Variants in PTPRM observed in about 807,000 individuals in gnomAD.
PTPRM encodes the protein receptor-type tyrosine-protein phosphatase mu.
Under a neutral mutation model 186.7 loss-of-function variants are expected in PTPRM, and 47 were observed. The observed-to-expected ratio is 0.25, with a 90% CI of 0.20 to 0.32. The LOEUF (loss-of-function observed/expected upper bound fraction) is 0.32, where lower values mean the gene tolerates loss of function less well. Ranked by LOEUF, PTPRM falls within the 10% of genes least tolerant of loss-of-function variation. PTPRM has a pLI of 1.00. For missense variants in PTPRM, 1,494 were observed against 1,865.0 expected, an observed-to-expected ratio of 0.80 and a Z score of 3.66; for synonymous variants, 668 against 674.9, an observed-to-expected ratio of 0.99 and a Z score of 0.16.
At chr18:8,257,152 A>G (rs1363883058) in intron 19 of PTPRM, among the ~76,000 whole-genome samples, 1 of 152,226 alleles carries the variant, frequency 6.6e-6, no homozygotes, top group Non-Finnish European at 1.5e-5. Context: ...GCCAGCCAAG[A>G]GCAAGGATGA....
At chr18:8,306,235 C>G (rs1328309788) in intron 20 of PTPRM, among the ~76,000 whole-genome samples, 1 of 152,092 alleles carries the variant, frequency 6.6e-6, no homozygotes, top group Non-Finnish European at 1.5e-5. Context: ...GTACTGTGTT[C>G]CAGGCACCTG....
At position 8,302,665 on chromosome 18, in the gene PTPRM, G is replaced by A. The variant is rs555440378; in HGVS notation, c.2842+6210G>A. Among the ~76,000 whole-genome samples, 27 of 152,190 alleles carry A rather than the reference G, an allele frequency of 1.8e-4. 1 individual carries two copies. The highest frequency in any genetic ancestry group is 1.6e-3 in the Admixed American group (24 of 15,284). On this transcript the variant is annotated intron_variant, in intron 20 of 32. Coordinates refer to ENST00000580170, the MANE Select transcript of PTPRM (RefSeq NM_001105244.2). The stretch of plus-strand genomic sequence containing the variant: ...TTCAGAAGAAGTAATGGACCCAACC[G>A]AAAGATGGATGGGAGACAGGGTGAG...
intron 2 of PTPRM, among the ~76,000 whole-genome samples, chr18:7,805,104 C>G (rs998981752): frequency 1.3e-5 from 2 of 152,216 alleles, no homozygotes; most frequent in African/African-American, 4.8e-5. Context: ...TCTTTATCCT[C>G]TTCTTCTCAG....
intron 1 of PTPRM, among the ~76,000 whole-genome samples, chr18:7,667,170 C>T (rs1470476777): frequency 6.6e-6 from 1 of 152,170 alleles, no homozygotes; most frequent in African/African-American, 2.4e-5. Flanking sequence ...TCAAATTAAT[C>T]ATGAGCATAA....
At chr18:7,983,251 A>G (rs1396230883) in intron 7 of PTPRM, among the ~76,000 whole-genome samples, 1 of 151,982 alleles carries the variant, frequency 6.6e-6, no homozygotes, top group Non-Finnish European at 1.5e-5. Flanking sequence ...TGCAAACCCT[A>G]TTATGAACTG....
intron 15 of PTPRM, among the ~76,000 whole-genome samples, chr18:8,247,390 T>C (rs939946716): frequency 6.6e-6 from 1 of 152,210 alleles, no homozygotes; most frequent in Non-Finnish European, 1.5e-5. Context: ...TTGTGGAGTA[T>C]TCTCTGCATA....
At chr18:7,957,173 CT>C (rs79379767) in intron 7 of PTPRM, among the ~76,000 whole-genome samples, 3,830 of 136,404 alleles carry the variant, frequency 0.028, 56 homozygotes, top group African/African-American at 0.057. Flanking sequence ...CAGTCCTGTT[CT>C]TTTTTTTTTT....
chr18:7,684,776 T>C (rs898410115), intron 1 of PTPRM, among the ~76,000 whole-genome samples: 1 of 152,218 alleles, frequency 6.6e-6, no homozygotes, highest in Non-Finnish European at 1.5e-5. Context: ...TTCTACATCC[T>C]GGTTGTTGTT....
chr18:8,314,410 T>C (rs2095292941), intron 20 of PTPRM, among the ~76,000 whole-genome samples: 1 of 152,190 alleles, frequency 6.6e-6, no homozygotes, highest in African/African-American at 2.4e-5. Context: ...TCAAGGTGGG[T>C]GTCACAGCCT....
chr18:7,657,542 G>A (rs1250306413), intron 1 of PTPRM, among the ~76,000 whole-genome samples: 2 of 152,094 alleles, frequency 1.3e-5, no homozygotes, highest in African/African-American at 2.4e-5. Flanking sequence ...ATACACAGCC[G>A]TAATGCAGAA....
intron 20 of PTPRM, among the ~76,000 whole-genome samples, chr18:8,307,802 CT>C (rs1441195230): frequency 1.4e-5 from 2 of 141,660 alleles, no homozygotes; most frequent in Non-Finnish European, 3.0e-5. Flanking sequence ...GAAACTCTGT[CT>C]CAAAAAAAAA....
chr18:8,106,801 G>A (rs565471756), intron 11 of PTPRM, among the ~76,000 whole-genome samples: 100 of 152,346 alleles, frequency 6.6e-4, no homozygotes, highest in African/African-American at 2.3e-3. Flanking sequence ...TTAGTGGTCA[G>A]TTGGTGATTC....
At chr18:8,015,024 C>T (rs1488564536) in intron 7 of PTPRM, among the ~76,000 whole-genome samples, 1 of 152,106 alleles carries the variant, frequency 6.6e-6, no homozygotes, top group Non-Finnish European at 1.5e-5. Flanking sequence ...CTGATAAGCT[C>T]ACCAAATTTC....
intron 14 of PTPRM, among the ~76,000 whole-genome samples, chr18:8,175,869 A>T (rs1354903175): frequency 6.6e-6 from 1 of 152,196 alleles, no homozygotes; most frequent in African/African-American, 2.4e-5. Context: ...TTCTTGCTGA[A>T]AATGTAAAGC....
intron 14 of PTPRM, among the ~76,000 whole-genome samples, chr18:8,189,355 G>T (rs976485562): frequency 6.6e-6 from 1 of 151,536 alleles, no homozygotes; most frequent in Non-Finnish European, 1.5e-5. Flanking sequence ...TTTTTGGAGA[G>T]ATCAGCTCAC....
In PTPRM at chr18:7,964,906, T is replaced by G. The variant is rs567053818; in HGVS notation, c.1132+9492T>G. On this transcript the variant is annotated intron_variant, in intron 7 of 32. Coordinates refer to ENST00000580170, the MANE Select transcript of PTPRM (RefSeq NM_001105244.2). Reference sequence around the variant, plus strand: ...CAGGGTGGCAAAAAAATAGAATAACTGCAAATACTTCATTTACATATGAGA... The same window carrying G: ...CAGGGTGGCAAAAAAATAGAATAACGGCAAATACTTCATTTACATATGAGA... 3.3e-5 allele frequency among the ~76,000 whole-genome samples: 5 copies of G among 152,286 alleles called. No individual in the cohort carries two copies. In the East Asian group the frequency reaches 9.6e-4, roughly 29 times the overall value.
intron 7 of PTPRM, among the ~76,000 whole-genome samples, chr18:7,984,588 T>TAC (rs1284515436): frequency 3.8e-4 from 47 of 122,648 alleles, no homozygotes; most frequent in African/African-American, 1.4e-3. Context: ...TATATATATA[T>TAC]ATATATATAT....
chr18:7,888,415 C>G, intron 3 of PTPRM, 38 bp downstream of exon 3: 1 of 1,521,086 alleles, frequency 6.6e-7, no homozygotes, highest in Non-Finnish European at 8.8e-7. Flanking sequence ...TTGAAGCATC[C>G]TCTAATTTCT....
chr18:7,676,020 A>T (rs1046164174), intron 1 of PTPRM, among the ~76,000 whole-genome samples: 1 of 152,102 alleles, frequency 6.6e-6, no homozygotes, highest in African/African-American at 2.4e-5. Flanking sequence ...TACAGGTGTG[A>T]GCCACTGTGC....
Sources: gnomAD v4.1 joint callset for allele counts (sites outside exome capture counted in the v4.1 genomes callset) on GRCh38, gnomAD v4.1.1 for gene constraint, MANE v1.5 for transcripts, NCBI Gene and HGNC (gene_info 2026-07-23, HGNC 2026-07-21) for gene names.